Variants in PLA2G4A observed in about 807,000 individuals in gnomAD.
PLA2G4A encodes phospholipase A2 group IVA.
Under a neutral mutation model 81.9 loss-of-function variants are expected in PLA2G4A, and 40 were observed. The observed-to-expected ratio is 0.49, with a 90% CI of 0.38 to 0.64. PLA2G4A has a LOEUF of 0.64. Ranked by LOEUF, PLA2G4A falls within the 30% of genes least tolerant of loss-of-function variation. The pLI, the probability that PLA2G4A is intolerant of heterozygous loss-of-function variation, is 0.00. For missense variants in PLA2G4A, 715 were observed against 905.1 expected (o/e 0.79, Z 2.69); for synonymous variants, 302 against 296.9 (o/e 1.02, Z -0.18).
In PLA2G4A at chr1:186,836,315, T is replaced by A. The variant is rs1399047310; in HGVS notation, c.-70+7280T>A. On this transcript the variant is annotated intron_variant, in intron 1 of 17. Transcript: ENST00000367466. ...TATACCTTAATAATAATATTGATTG[T>A]TATTATATATTAATATGTACATAAG... Among the ~76,000 whole-genome samples the A allele has an allele frequency of 6.0e-5, 9 of 151,074 alleles. No homozygotes were observed. The South Asian group carries it at 6.2e-4, about 10-fold the overall frequency.
intron 1 of PLA2G4A, among the ~76,000 whole-genome samples, chr1:186,830,354 T>C (rs1010450219): frequency 6.6e-6 from 1 of 152,094 alleles, no homozygotes. Context: ...ATGCCCGTAA[T>C]ACCAGCACTT....
intron 2 of PLA2G4A, among the ~76,000 whole-genome samples, chr1:186,862,401 C>T (rs1010664151): frequency 4.0e-5 from 6 of 151,714 alleles, no homozygotes; most frequent in Admixed American, 6.6e-5. Context: ...TTTTTAATAG[C>T]GATGGTCACC....
At chr1:186,883,648 A>G (rs1653823530) in intron 3 of PLA2G4A, among the ~76,000 whole-genome samples, 1 of 152,152 alleles carries the variant, frequency 6.6e-6, no homozygotes, top group South Asian at 2.1e-4. Context: ...GTTGAGGTGG[A>G]GAAAGCTGGT....
At chr1:186,954,506 T>C (rs929982804) in intron 13 of PLA2G4A, among the ~76,000 whole-genome samples, 6 of 152,050 alleles carry the variant, frequency 3.9e-5, no homozygotes, top group Non-Finnish European at 8.8e-5. Flanking sequence ...AGTTGATGGG[T>C]GCAGCAAACC....
In PLA2G4A at chr1:186,870,608, T is replaced by G. The variant is rs186376038; in HGVS notation, c.115+92T>G. 69 of 1,156,322 alleles carry G rather than the reference T, an allele frequency of 6.0e-5. No individual in the cohort carries two copies. The African/African-American group carries it at 8.2e-4, about 14-fold the overall frequency. 71.6% of individuals were successfully genotyped at this position (1,156,322 alleles called of 1,614,324 possible). A position where few individuals can be genotyped will look rare whatever the true frequency, so the allele number is the denominator to read the frequency against. On this transcript the variant is annotated intron_variant, in intron 3 of 17. Coordinates refer to ENST00000367466, the MANE Select transcript of PLA2G4A (RefSeq NM_024420.3). ...CCTTGACAAATCGGAGGTTCTGCCT[T>G]CTTCAAATGTGGTTATGTTTGTCTA...
chr1:186,964,619 G>T (rs1192592310), intron 14 of PLA2G4A, among the ~76,000 whole-genome samples: 1 of 152,116 alleles, frequency 6.6e-6, no homozygotes, highest in Non-Finnish European at 1.5e-5. Flanking sequence ...CTTCTCAGAG[G>T]CATCTCCCCT....
At chr1:186,894,903 T>C (rs1033222289) in intron 5 of PLA2G4A, among the ~76,000 whole-genome samples, 4 of 152,236 alleles carry the variant, frequency 2.6e-5, no homozygotes, top group African/African-American at 9.6e-5. Flanking sequence ...TGTAAACAAC[T>C]GGTGGGCCTG....
intron 15 of PLA2G4A, among the ~76,000 whole-genome samples, chr1:186,972,332 T>C (rs1455386226): frequency 6.6e-6 from 1 of 152,146 alleles, no homozygotes; most frequent in Non-Finnish European, 1.5e-5. Flanking sequence ...GAAAATTTAG[T>C]GTACCATTAG....
chr1:186,948,045 A>G (rs929013071), intron 12 of PLA2G4A, among the ~76,000 whole-genome samples: 1 of 152,176 alleles, frequency 6.6e-6, no homozygotes, highest in Non-Finnish European at 1.5e-5. Context: ...GTTGGCTTAT[A>G]AGCAGTATTT....
chr1:186,849,829 T>G (rs971594378), intron 1 of PLA2G4A, among the ~76,000 whole-genome samples: 4 of 152,112 alleles, frequency 2.6e-5, no homozygotes, highest in African/African-American at 9.7e-5. Flanking sequence ...TGTATCTAGC[T>G]CCTCACTTTT....
chr1:186,903,454 G>A (rs938429040), intron 5 of PLA2G4A, among the ~76,000 whole-genome samples: 1 of 152,096 alleles, frequency 6.6e-6, no homozygotes, highest in Non-Finnish European at 1.5e-5. Context: ...CCTGGTTCTG[G>A]TCTATGGCAA....
At chr1:186,940,819 C>G (rs1000038276) in intron 10 of PLA2G4A, among the ~76,000 whole-genome samples, 1 of 152,122 alleles carries the variant, frequency 6.6e-6, no homozygotes, top group Non-Finnish European at 1.5e-5. Context: ...GTATATAGAG[C>G]CAACTGTATG....
intron 1 of PLA2G4A, among the ~76,000 whole-genome samples, chr1:186,848,394 G>A (rs1652261279): frequency 6.6e-6 from 1 of 152,064 alleles, no homozygotes; most frequent in African/African-American, 2.4e-5. Flanking sequence ...TTGACCATAG[G>A]CAGGGGAGGG....
intron 1 of PLA2G4A, among the ~76,000 whole-genome samples, chr1:186,830,105 T>C (rs911187131): frequency 2.0e-5 from 3 of 152,208 alleles, no homozygotes; most frequent in African/African-American, 7.2e-5. Flanking sequence ...TCCTACACCT[T>C]GCCAATCAAG....
At chr1:186,864,482 T>C (rs540495761) in intron 2 of PLA2G4A, among the ~76,000 whole-genome samples, 1 of 152,150 alleles carries the variant, frequency 6.6e-6, no homozygotes, top group South Asian at 2.1e-4. Context: ...GTGGTTTTTT[T>C]AATGGCAATT....
In PLA2G4A at chr1:186,901,003, G is replaced by A. The variant is rs183830818; in HGVS notation, c.379-5962G>A. On this transcript the variant is annotated intron_variant, in intron 5 of 17. Transcript: ENST00000367466. ...TAGTGATAAAGCTGAAAAAAAGAAG[G>A]GAGTTTTTATGGCTGAATTCAGAAT... 8.6e-4 allele frequency among the ~76,000 whole-genome samples: 131 copies of A among 152,238 alleles called. 1 individual carries two copies. The highest frequency in any genetic ancestry group is 3.1e-3 in the African/African-American group (128 of 41,544).
intron 2 of PLA2G4A, among the ~76,000 whole-genome samples, chr1:186,867,778 C>G (rs952560418): frequency 6.6e-6 from 1 of 152,118 alleles, no homozygotes; most frequent in Non-Finnish European, 1.5e-5. Flanking sequence ...TGCTCCTGAT[C>G]TTTTCGGGGA....
In PLA2G4A at chr1:186,854,393, T is replaced by C; in HGVS notation, c.33+6T>C. On this transcript the variant is annotated splice_donor_region_variant and intron_variant, in intron 2 of 17. Transcript: ENST00000367466. The stretch of plus-strand genomic sequence containing the variant: ...ATCCTTACCAGCACATTATAGTAAG[T>C]CATTCACTGTTTATGAATTCTTTCT... 3 of 1,539,752 alleles carry C rather than the reference T, an allele frequency of 1.9e-6. No individual in the cohort carries two copies. The highest frequency in any genetic ancestry group is 2.7e-6 in the Non-Finnish European group (3 of 1,112,820).
intron 6 of PLA2G4A, among the ~76,000 whole-genome samples, chr1:186,909,982 A>G (rs934750798): frequency 3.3e-5 from 5 of 152,088 alleles, no homozygotes; most frequent in African/African-American, 1.2e-4. Flanking sequence ...TATTAGTGTT[A>G]TTTTTCCTTT....
Sources: gnomAD v4.1 joint callset for allele counts (sites outside exome capture counted in the v4.1 genomes callset) on GRCh38, gnomAD v4.1.1 for gene constraint, MANE v1.5 for transcripts, NCBI Gene and HGNC (gene_info 2026-07-23, HGNC 2026-07-21) for gene names.